ZNF791: variants seen among roughly 807,000 people sequenced by gnomAD.
ZNF791 encodes the protein zinc finger protein 791.
Under a neutral mutation model 11.5 loss-of-function variants are expected in ZNF791, and 4 were observed. The ratio of observed to expected loss-of-function variants is 0.35; its 90% CI spans 0.17 to 0.80. The LOEUF (loss-of-function observed/expected upper bound fraction) is 0.80. Ranked by LOEUF, ZNF791 falls within the 30% of genes least tolerant of loss-of-function variation. ZNF791 has a pLI of 0.53. For missense variants in ZNF791, 559 were observed against 699.4 expected (o/e 0.80, Z 2.26); for synonymous variants, 212 against 228.1 (o/e 0.93, Z 0.64).
In ZNF791 at chr19:12,628,988, A is replaced by G. The variant is rs2023466305; in HGVS notation, c.1459A>G (p.Lys487Glu). Residue 487 changes from lysine (K) to glutamate (E), a missense_variant, in exon 4 of 4, where the codon AAA becomes GAA. Coordinates refer to ENST00000343325, the MANE Select transcript of ZNF791 (RefSeq NM_153358.3). Reference sequence around the variant, plus strand: ...TTGTTCTAGTTACATTCGGATACATAAAAGAACTCACACTGGGGAGAAACC... The same window carrying G: ...TTGTTCTAGTTACATTCGGATACATGAAAGAACTCACACTGGGGAGAAACC... ...FSCSSYIRIH[K>E]RTHTGEKPYE... 5.0e-6 allele frequency: 8 copies of G among 1,614,080 alleles called. No individual in the cohort carries two copies. Among genetic ancestry groups the G allele is most frequent in the Non-Finnish European group, 6.8e-6 (8 of 1,180,008 alleles).
chr19:12,619,841 A>C (rs1223912571), intron 1 of ZNF791, among the ~76,000 whole-genome samples: 1 of 106,126 alleles, frequency 9.4e-6, no homozygotes, highest in African/African-American at 3.8e-5. Context: ...AAGGAGATGA[A>C]CCTTTTTTTT....
intron 1 of ZNF791, among the ~76,000 whole-genome samples, chr19:12,618,950 C>A (rs1223184287): frequency 1.3e-5 from 2 of 151,058 alleles, no homozygotes; most frequent in Non-Finnish European, 2.9e-5. Flanking sequence ...TGGGTTCAAG[C>A]GATTCTCCTG....
chr19:12,614,364 G>C (rs561627779), intron 1 of ZNF791, among the ~76,000 whole-genome samples: 34 of 151,840 alleles, frequency 2.2e-4, no homozygotes, highest in African/African-American at 6.5e-4. Context: ...CTCCAGAGTA[G>C]CTAGGATTAC....
At chr19:12,626,168 C>CA (rs2023425516) in intron 3 of ZNF791, among the ~76,000 whole-genome samples, 1 of 152,212 alleles carries the variant, frequency 6.6e-6, no homozygotes, top group Non-Finnish European at 1.5e-5. Context: ...AGGCATGCAT[C>CA]ACCATGCCCG....
intron 2 of ZNF791, among the ~76,000 whole-genome samples, chr19:12,624,147 TG>T (rs1364316317): frequency 7.3e-6 from 1 of 137,162 alleles, no homozygotes; most frequent in African/African-American, 2.8e-5. Flanking sequence ...TGAGCCACTG[TG>T]CCTGGCCTTC....
Position 12,610,978 on chromosome 19 carries a change from C to A in ZNF791, c.-102C>A, listed in dbSNP as rs929432324. ...TGCTTAGCTTGGGGTCTCCTGGCCC[C>A]TTGACGCGTCAGGTTGCTGTACCCC... On this transcript the variant is annotated 5_prime_UTR_variant, in exon 1 of 4. Transcript: ENST00000343325. The A allele has an allele frequency of 1.3e-5, 20 of 1,523,410 alleles. No individual in the cohort carries two copies. The highest frequency in any genetic ancestry group is 1.8e-5 in the Non-Finnish European group (20 of 1,099,802). 94.4% of individuals were successfully genotyped at this position (1,523,410 alleles called of 1,614,324 possible). A position where few individuals can be genotyped will look rare whatever the true frequency, so the allele number is the denominator to read the frequency against.
chr19:12,615,685 A>G (rs759852565), intron 1 of ZNF791, among the ~76,000 whole-genome samples: 1 of 134,098 alleles, frequency 7.5e-6, no homozygotes, highest in Non-Finnish European at 1.5e-5. Flanking sequence ...AGGCTGAGGC[A>G]GGAGAATTGC....
chr19:12,628,416 G>T lies in ZNF791; in HGVS notation c.887G>T (p.Gly296Val). The T allele has an allele frequency of 6.2e-7, 1 of 1,608,508 alleles. No individual in the cohort carries two copies. Reference sequence around the variant, plus strand: ...CGAGTACATGAAAGAATTCACACTGGAGAGAAACCCTATAAATGTAAACAA... The same window carrying T: ...CGAGTACATGAAAGAATTCACACTGTAGAGAAACCCTATAAATGTAAACAA... The part of the protein sequence containing the change: ...FLRVHERIHT[G>V]EKPYKCKQCG... The change falls in exon 4 of 4, where the codon GGA becomes GTA. Residue 296 changes from glycine (G) to valine (V), a missense_variant. Physicochemically the swap from Gly to Val is moderately radical, Grantham distance 109. Transcript: ENST00000343325.
intron 1 of ZNF791, among the ~76,000 whole-genome samples, chr19:12,622,979 G>A (rs1274298028): frequency 1.3e-5 from 2 of 152,038 alleles, no homozygotes; most frequent in Non-Finnish European, 2.9e-5. Flanking sequence ...TCGTGAAGCT[G>A]AGGCAGGAGG....
chr19:12,631,384 G>A lies in ZNF791; in HGVS notation c.*2124G>A, dbSNP rs914350718. The A allele has an allele frequency of 6.6e-6, 1 of 152,162 alleles. No homozygotes were observed. Among genetic ancestry groups the A allele is most frequent in the Non-Finnish European group, 1.5e-5 (1 of 68,040 alleles). 9.4% of individuals were successfully genotyped at this position (152,162 alleles called of 1,614,324 possible). ...ATATACCCATGATTAAGCAATCTCTGCCTGTAAAATGCTCCAGAAAATTCA... is the reference window on the plus strand; with the variant it reads ...ATATACCCATGATTAAGCAATCTCTACCTGTAAAATGCTCCAGAAAATTCA... On this transcript the variant is annotated 3_prime_UTR_variant, in exon 4 of 4. Coordinates refer to ENST00000343325, the MANE Select transcript of ZNF791 (RefSeq NM_153358.3).
chr19:12,623,920 A>C, intron 2 of ZNF791, 94 bp downstream of exon 2: 1 of 1,103,022 alleles, frequency 9.1e-7, no homozygotes, highest in Non-Finnish European at 1.2e-6. Context: ...CAATGGCACA[A>C]TCTCAGCTCA....
In ZNF791 at chr19:12,611,016, G is replaced by A. The variant is rs2023147215; in HGVS notation, c.-64G>A. 6 of 1,612,618 alleles carry A rather than the reference G, an allele frequency of 3.7e-6. No homozygotes were observed. The highest frequency in any genetic ancestry group is 5.1e-6 in the Non-Finnish European group (6 of 1,178,916). ...GTTGCTGTACCCCTGCATCGGATGCGCTGTACCCTGCGCTGGCTCCGTGAA... is the reference window on the plus strand; with the variant it reads ...GTTGCTGTACCCCTGCATCGGATGCACTGTACCCTGCGCTGGCTCCGTGAA... On this transcript the variant is annotated 5_prime_UTR_variant, in exon 1 of 4. Transcript: ENST00000343325.
At chr19:12,626,667 C>T (rs1180967540) in intron 3 of ZNF791, among the ~76,000 whole-genome samples, 1 of 152,010 alleles carries the variant, frequency 6.6e-6, no homozygotes, top group Admixed American at 6.6e-5. Context: ...TGCAGTGGTG[C>T]CATCTCAGCT....
At chr19:12,615,779 C>CAA (rs1184737319) in intron 1 of ZNF791, among the ~76,000 whole-genome samples, 8 of 58,344 alleles carry the variant, frequency 1.4e-4, no homozygotes, top group Non-Finnish European at 8.0e-5. Context: ...GACTCCGTCT[C>CAA]AAAAAAAAAA....
chr19:12,629,372 A>G lies in ZNF791; in HGVS notation c.*112A>G. ...ATCCTGTCAATGTAAGTAATATAGA[A>G]AGCGAGATACAAGATGATTCATGTA... On this transcript the variant is annotated 3_prime_UTR_variant, in exon 4 of 4. Transcript: ENST00000343325. 1 of 797,974 alleles carries G rather than the reference A, an allele frequency of 1.3e-6. No individual in the cohort carries two copies. The highest frequency in any genetic ancestry group is 1.8e-6 in the Non-Finnish European group (1 of 547,294). The allele number at this position is 797,974 out of a possible 1,614,324, so 49.4% of individuals were successfully genotyped here. A position where few individuals can be genotyped will look rare whatever the true frequency, so the allele number is the denominator to read the frequency against.
Position 12,614,202 on chromosome 19 carries a change from G to C in ZNF791, c.3+3120G>C, listed in dbSNP as rs2023203636. On this transcript the variant is annotated intron_variant, in intron 1 of 3. Coordinates refer to ENST00000343325, the MANE Select transcript of ZNF791 (RefSeq NM_153358.3). ...CAGGTGCTTCTATCCTCCATTACCAGGTACTGACCCACTCTAGGGGTTACA... is the reference window on the plus strand; with the variant it reads ...CAGGTGCTTCTATCCTCCATTACCACGTACTGACCCACTCTAGGGGTTACA... 2.0e-5 allele frequency among the ~76,000 whole-genome samples: 3 copies of C among 152,008 alleles called. No homozygotes were observed. The South Asian group carries it at 6.2e-4, about 32-fold the overall frequency.
In ZNF791 at chr19:12,628,043, C is replaced by T; in HGVS notation, c.514C>T (p.His172Tyr). 6.2e-7 allele frequency: 1 copy of T among 1,613,124 alleles called. No homozygotes were observed. Among genetic ancestry groups the T allele is most frequent in the Non-Finnish European group, 8.5e-7 (1 of 1,179,660 alleles). The change falls in exon 4 of 4, where the codon CAC becomes TAC. Residue 172 changes from histidine to tyrosine, a missense_variant. By Grantham distance (83) the His-to-Tyr change is moderately conservative. Coordinates refer to ENST00000343325, the MANE Select transcript of ZNF791 (RefSeq NM_153358.3). ...ACAATGTGGAAAAACCTTCATATAT[C>T]ACCAGCCCTTTCAAAGACATGAGCG... ...CKQCGKTFIY[H>Y]QPFQRHERTH...
At chr19:12,620,910 A>G (rs7256615) in intron 1 of ZNF791, among the ~76,000 whole-genome samples, 98,321 of 151,266 alleles carry the variant, frequency 0.65, 32,989 homozygotes, top group African/African-American at 0.71. Context: ...ACATGCATGC[A>G]CCACCATGCC....
intron 1 of ZNF791, among the ~76,000 whole-genome samples, chr19:12,618,472 C>T (rs2023280593): frequency 6.6e-6 from 1 of 151,984 alleles, no homozygotes; most frequent in Non-Finnish European, 1.5e-5. Context: ...GACTGCACCA[C>T]TGTACTCTAG....
Sources: gnomAD v4.1 joint callset for allele counts (sites outside exome capture counted in the v4.1 genomes callset) on GRCh38, gnomAD v4.1.1 for gene constraint, MANE v1.5 for transcripts, NCBI Gene and HGNC (gene_info 2026-07-23, HGNC 2026-07-21) for gene names.